RASGRF2: variants seen among roughly 807,000 people sequenced by gnomAD.
RASGRF2 encodes ras-specific guanine nucleotide-releasing factor 2.
Under a neutral mutation model 151.0 loss-of-function variants are expected in RASGRF2, and 76 were observed. That is an observed-to-expected ratio of 0.50 (90% CI 0.42 to 0.61). The LOEUF (loss-of-function observed/expected upper bound fraction) is 0.61. RASGRF2 is among the 20% of genes least tolerant of loss of function. The pLI is 0.00. For synonymous variants in RASGRF2, 504 were observed against 566.5 expected (o/e 0.89, Z 1.57); for missense variants, 1,148 against 1,564.6 (o/e 0.73, Z 4.49).
chr5:81,211,712 C>CT (rs888462897), intron 22 of RASGRF2, among the ~76,000 whole-genome samples: 7 of 151,758 alleles, frequency 4.6e-5, no homozygotes, highest in African/African-American at 1.2e-4. Flanking sequence ...TCTCATTTCA[C>CT]TTTTTTTTTC....
chr5:81,103,090 C>G (rs1752744771), intron 12 of RASGRF2, among the ~76,000 whole-genome samples: 1 of 152,112 alleles, frequency 6.6e-6, no homozygotes, highest in African/African-American at 2.4e-5. Context: ...GAAGAGATCA[C>G]TATGCAAAAA....
At chr5:80,990,029 CT>C (rs754782644) in intron 1 of RASGRF2, among the ~76,000 whole-genome samples, 4 of 152,096 alleles carry the variant, frequency 2.6e-5, no homozygotes, top group Non-Finnish European at 5.9e-5. Flanking sequence ...ACCTTAGAGG[CT>C]GCCAAGGTGG....
intron 1 of RASGRF2, among the ~76,000 whole-genome samples, chr5:80,969,505 G>C (rs1452534803): frequency 6.7e-6 from 1 of 148,890 alleles, no homozygotes; most frequent in African/African-American, 2.5e-5. Flanking sequence ...CTGGAGTGCA[G>C]TGGCGCGATC....
At chr5:81,175,743 G>A (rs1398255485) in intron 17 of RASGRF2, among the ~76,000 whole-genome samples, 8 of 114,994 alleles carry the variant, frequency 7.0e-5, no homozygotes, top group South Asian at 3.0e-4. Context: ...CAACTAGAGC[G>A]AAACTCCGTC....
At chr5:81,158,182 G>C (rs532366314) in intron 17 of RASGRF2, among the ~76,000 whole-genome samples, 2 of 152,290 alleles carry the variant, frequency 1.3e-5, no homozygotes, top group East Asian at 3.9e-4. Context: ...TAGTCATATA[G>C]ATCAATGGAA....
chr5:80,980,390 A>G (rs756177280), intron 1 of RASGRF2, among the ~76,000 whole-genome samples: 5 of 152,142 alleles, frequency 3.3e-5, no homozygotes, highest in Non-Finnish European at 7.4e-5. Context: ...CTGTAATCCC[A>G]GCATTTTGGG....
At chr5:81,151,875 T>C (rs1754143463) in intron 17 of RASGRF2, among the ~76,000 whole-genome samples, 1 of 152,238 alleles carries the variant, frequency 6.6e-6, no homozygotes, top group Non-Finnish European at 1.5e-5. Context: ...GCTAACTTTT[T>C]TTTAGTCTTG....
At chr5:81,102,250 A>G (rs942237380) in intron 12 of RASGRF2, among the ~76,000 whole-genome samples, 7 of 152,242 alleles carry the variant, frequency 4.6e-5, no homozygotes, top group African/African-American at 1.4e-4. Flanking sequence ...CCTAAGGCCC[A>G]TTAATCAAGT....
chr5:81,052,816 TC>T (rs1391139163), intron 2 of RASGRF2, among the ~76,000 whole-genome samples: 2 of 152,152 alleles, frequency 1.3e-5, no homozygotes, highest in African/African-American at 2.4e-5. Context: ...GCTTGGATTT[TC>T]TCCACTCCCA....
At chr5:81,089,469 C>T (rs1561603249) in intron 9 of RASGRF2, among the ~76,000 whole-genome samples, 1 of 152,126 alleles carries the variant, frequency 6.6e-6, no homozygotes, top group Non-Finnish European at 1.5e-5. Flanking sequence ...GCATCAGCAA[C>T]TCTTGAATGT....
intron 18 of RASGRF2, among the ~76,000 whole-genome samples, chr5:81,197,444 C>T (rs1436907425): frequency 9.4e-6 from 1 of 106,126 alleles, no homozygotes; most frequent in Non-Finnish European, 1.7e-5. Context: ...GCCTGGGCGA[C>T]AGAGCGAGAC....
chr5:81,077,418 A>G (rs550777662), intron 5 of RASGRF2, among the ~76,000 whole-genome samples: 5 of 152,326 alleles, frequency 3.3e-5, no homozygotes, highest in African/African-American at 1.2e-4. Flanking sequence ...GTTGGAGAAA[A>G]GAGCAACTGT....
At chr5:81,216,348 T>TACAGAC (rs1755734260) in intron 24 of RASGRF2, among the ~76,000 whole-genome samples, 1 of 147,524 alleles carries the variant, frequency 6.8e-6, no homozygotes, top group Non-Finnish European at 1.5e-5. Context: ...ATTCCCTTTC[T>TACAGAC]ACACACACAC....
At chr5:81,159,288 G>C (rs1754328784) in intron 17 of RASGRF2, among the ~76,000 whole-genome samples, 1 of 152,202 alleles carries the variant, frequency 6.6e-6, no homozygotes, top group Non-Finnish European at 1.5e-5. Flanking sequence ...CAGATTTGTG[G>C]ACAAGATGGT....
intron 1 of RASGRF2, among the ~76,000 whole-genome samples, chr5:81,022,752 C>T (rs769852496): frequency 2.6e-5 from 4 of 152,118 alleles, no homozygotes; most frequent in African/African-American, 9.7e-5. Flanking sequence ...GCACTAGCTT[C>T]GACCTTTGGG....
chr5:81,179,260 C>T (rs1354773631), intron 17 of RASGRF2, among the ~76,000 whole-genome samples: 1 of 152,170 alleles, frequency 6.6e-6, no homozygotes, highest in Non-Finnish European at 1.5e-5. Flanking sequence ...GATTTGTAAT[C>T]GTAGCTAACA....
At chr5:80,977,673 T>C (rs1580160166) in intron 1 of RASGRF2, among the ~76,000 whole-genome samples, 1 of 152,188 alleles carries the variant, frequency 6.6e-6, no homozygotes, top group African/African-American at 2.4e-5. Context: ...GTGAGGCTGG[T>C]CTCGAACTAC....
intron 13 of RASGRF2, among the ~76,000 whole-genome samples, chr5:81,111,653 G>A (rs569169110): frequency 1.3e-5 from 2 of 152,044 alleles, no homozygotes; most frequent in East Asian, 3.9e-4. Flanking sequence ...CTCAAATCAG[G>A]AACTTAGAAA....
intron 17 of RASGRF2, among the ~76,000 whole-genome samples, chr5:81,162,229 T>A (rs1433160738): frequency 6.6e-6 from 1 of 151,926 alleles, no homozygotes; most frequent in Non-Finnish European, 1.5e-5. Context: ...GGTGAGAAGT[T>A]GATTGTGAGA....
Sources: gnomAD v4.1 joint callset for allele counts (sites outside exome capture counted in the v4.1 genomes callset) on GRCh38, gnomAD v4.1.1 for gene constraint, MANE v1.5 for transcripts, NCBI Gene and HGNC (gene_info 2026-07-23, HGNC 2026-07-21) for gene names.